RALYL: variants seen among roughly 807,000 people sequenced by gnomAD.
The protein encoded by RALYL is RNA-binding Raly-like protein.
RALYL carries 29 observed loss-of-function variants against 35.1 expected under a neutral mutation model. The observed-to-expected ratio is 0.83, with a 90% confidence interval of 0.61 to 1.13. The LOEUF (loss-of-function observed/expected upper bound fraction) is 1.13, where lower values mean the gene tolerates loss of function less well. Ranked by LOEUF, RALYL falls within the 50% of genes most tolerant of loss-of-function variation. The pLI is 0.00. For missense variants in RALYL, 359 were observed against 360.4 expected, an observed-to-expected ratio of 1.00 and a Z score of 0.03; for synonymous variants, 120 against 127.6, an observed-to-expected ratio of 0.94 and a Z score of 0.40.
intron 2 of RALYL, among the ~76,000 whole-genome samples, chr8:84,623,227 C>G (rs1242192257): frequency 6.6e-6 from 1 of 152,012 alleles, no homozygotes; most frequent in Non-Finnish European, 1.5e-5. Context: ...TCAGTGGGCA[C>G]AAGTTTTTCA....
At chr8:84,917,007 T>C (rs1024627241) in intron 8 of RALYL, among the ~76,000 whole-genome samples, 7 of 152,140 alleles carry the variant, frequency 4.6e-5, no homozygotes, top group African/African-American at 1.7e-4. Flanking sequence ...TTGTTTTATG[T>C]TTAGCTTCAG....
At chr8:84,482,658 T>C (rs915472424) in intron 1 of RALYL, among the ~76,000 whole-genome samples, 1 of 152,034 alleles carries the variant, frequency 6.6e-6, no homozygotes, top group East Asian at 1.9e-4. Context: ...AAAATATATG[T>C]TTTTCAGTAG....
At chr8:84,767,300 A>G (rs1036391265) in intron 2 of RALYL, among the ~76,000 whole-genome samples, 5 of 152,138 alleles carry the variant, frequency 3.3e-5, no homozygotes, top group Non-Finnish European at 1.5e-5. Context: ...TCACGGCATC[A>G]TGGTATTGCT....
chr8:84,247,387 A>G (rs1377413029), intron 1 of RALYL, among the ~76,000 whole-genome samples: 1 of 152,106 alleles, frequency 6.6e-6, no homozygotes, highest in Non-Finnish European at 1.5e-5. Context: ...GGTACATGTA[A>G]CTGGTAGGCA....
At chr8:84,503,854 ACT>A (rs1252860284) in intron 1 of RALYL, among the ~76,000 whole-genome samples, 1 of 141,922 alleles carries the variant, frequency 7.0e-6, no homozygotes, top group Non-Finnish European at 1.6e-5. Context: ...ACAGAGCAAG[ACT>A]CTGTCTCAAA....
Position 84,196,677 on chromosome 8 carries a change from G to A in RALYL, c.-24+12253G>A, listed in dbSNP as rs1586087443. Among the ~76,000 whole-genome samples the A allele has an allele frequency of 2.6e-5, 4 of 151,986 alleles. No individual in the cohort carries two copies. In the South Asian group the frequency reaches 8.3e-4, roughly 32 times the overall value. The stretch of plus-strand genomic sequence containing the variant: ...TATAGAGTGTTCATAGAGGCTTCAG[G>A]GCTATGTCATGTTTTCAAACTCCTT... On this transcript the variant is annotated intron_variant, in intron 1 of 8. Coordinates refer to ENST00000521268, the MANE Select transcript of RALYL (RefSeq NM_173848.7).
chr8:84,411,624 G>T (rs2132178741), intron 1 of RALYL, among the ~76,000 whole-genome samples: 1 of 151,960 alleles, frequency 6.6e-6, no homozygotes, highest in Admixed American at 6.6e-5. Flanking sequence ...GATAATCTAT[G>T]TAAAGCACTT....
At chr8:84,492,481 C>A (rs1193353509) in intron 1 of RALYL, among the ~76,000 whole-genome samples, 1 of 152,074 alleles carries the variant, frequency 6.6e-6, no homozygotes, top group South Asian at 2.1e-4. Context: ...CTTTGCTTAG[C>A]CTTCAAAGTC....
chr8:84,361,513 A>T (rs981480360), intron 1 of RALYL, among the ~76,000 whole-genome samples: 3 of 152,218 alleles, frequency 2.0e-5, no homozygotes, highest in African/African-American at 7.2e-5. Flanking sequence ...AGTTGCAGTG[A>T]ATCTAGTCAC....
intron 1 of RALYL, chr8:84,185,043 A>G: frequency 6.2e-7 from 1 of 1,612,752 alleles, no homozygotes; most frequent in Non-Finnish European, 8.5e-7. Flanking sequence ...ATTTTGCTTT[A>G]CCAAAGGGCT....
intron 2 of RALYL, among the ~76,000 whole-genome samples, chr8:84,701,500 A>T (rs1180813009): frequency 2.6e-5 from 4 of 152,174 alleles, no homozygotes; most frequent in Non-Finnish European, 4.4e-5. Context: ...AAATACTTAG[A>T]AGGTTTATGA....
intron 2 of RALYL, among the ~76,000 whole-genome samples, chr8:84,588,828 CTG>C (rs1812567425): frequency 6.6e-6 from 1 of 152,122 alleles, no homozygotes; most frequent in Non-Finnish European, 1.5e-5. Flanking sequence ...GTCCCCAAGA[CTG>C]GAGTTATTCA....
intron 1 of RALYL, among the ~76,000 whole-genome samples, chr8:84,340,034 A>T (rs1266202591): frequency 6.6e-6 from 1 of 151,990 alleles, no homozygotes; most frequent in African/African-American, 2.4e-5. Context: ...ATGAGATCTG[A>T]TGGTTTTATA....
At chr8:84,787,780 G>C (rs1275860412) in intron 3 of RALYL, among the ~76,000 whole-genome samples, 1 of 152,232 alleles carries the variant, frequency 6.6e-6, no homozygotes, top group Non-Finnish European at 1.5e-5. Context: ...CAGTGATGGT[G>C]AGCTTTGTTT....
intron 2 of RALYL, among the ~76,000 whole-genome samples, chr8:84,763,445 G>A (rs1813157192): frequency 6.6e-6 from 1 of 152,174 alleles, no homozygotes; most frequent in Non-Finnish European, 1.5e-5. Context: ...CACTAATGAT[G>A]AATATATAGC....
At chr8:84,241,948 A>G (rs1828012881) in intron 1 of RALYL, among the ~76,000 whole-genome samples, 1 of 152,076 alleles carries the variant, frequency 6.6e-6, no homozygotes, top group African/African-American at 2.4e-5. Context: ...TAAACCCATC[A>G]CCTAGACATT....
chr8:84,549,386 G>A (rs1006496925), intron 2 of RALYL, among the ~76,000 whole-genome samples: 4 of 152,152 alleles, frequency 2.6e-5, no homozygotes, highest in Admixed American at 2.0e-4. Flanking sequence ...AGGTTCAGGT[G>A]GATCAAAACA....
intron 2 of RALYL, among the ~76,000 whole-genome samples, chr8:84,630,763 T>C (rs1190379137): frequency 6.6e-6 from 1 of 152,022 alleles, no homozygotes; most frequent in Non-Finnish European, 1.5e-5. Context: ...GGAGAGTAGG[T>C]ACTCCATAAA....
intron 4 of RALYL, among the ~76,000 whole-genome samples, chr8:84,818,780 A>C (rs1586530646): frequency 6.6e-6 from 1 of 152,330 alleles, no homozygotes; most frequent in East Asian, 1.9e-4. Flanking sequence ...GAAAAGATGC[A>C]GGACTTGAAT....
Sources: allele counts gnomAD v4.1 joint callset (sites outside exome capture counted in the v4.1 genomes callset), GRCh38; gene constraint gnomAD v4.1.1; transcripts MANE v1.5; gene names NCBI Gene and HGNC (gene_info 2026-07-23, HGNC 2026-07-21).